The following RBM47 variants were observed in gnomAD, a reference collection of about 807,000 sequenced individuals.
RBM47 encodes the protein RNA-binding protein 47.
A neutral mutation model predicts 47.1 loss-of-function variants in RBM47; 21 were observed. That is an observed-to-expected ratio of 0.45 (90% CI 0.32 to 0.64). The LOEUF is 0.64. Ranked by LOEUF, RBM47 falls within the 30% of genes least tolerant of loss-of-function variation. The probability of loss-of-function intolerance (pLI) is 0.05; values close to 1 mark genes in which losing one functional copy is unlikely to be tolerated. For synonymous variants in RBM47, 375 were observed against 361.7 expected, an observed-to-expected ratio of 1.04 and a Z score of -0.42; for missense variants, 708 against 870.9, an observed-to-expected ratio of 0.81 and a Z score of 2.35.
At chr4:40,470,275 G>A (rs1373310014) in intron 2 of RBM47, among the ~76,000 whole-genome samples, 1 of 152,038 alleles carries the variant, frequency 6.6e-6, no homozygotes, top group East Asian at 1.9e-4. Flanking sequence ...CCCCATCATG[G>A]AGTCTTTATA....
intron 2 of RBM47, among the ~76,000 whole-genome samples, chr4:40,524,797 C>T (rs1415230636): frequency 1.3e-5 from 2 of 152,174 alleles, no homozygotes; most frequent in African/African-American, 4.8e-5. Flanking sequence ...ATGCTCATTA[C>T]TATGAATGAA....
At chr4:40,444,448 G>A (rs1388718629) in intron 3 of RBM47, among the ~76,000 whole-genome samples, 1 of 151,170 alleles carries the variant, frequency 6.6e-6, no homozygotes, top group Non-Finnish European at 1.5e-5. Context: ...AAAAGATAAT[G>A]TGTGGCTGCT....
At chr4:40,515,065 A>C (rs1725411146) in intron 2 of RBM47, among the ~76,000 whole-genome samples, 1 of 152,226 alleles carries the variant, frequency 6.6e-6, no homozygotes, top group South Asian at 2.1e-4. Context: ...CATCCTCCAC[A>C]ATAACCAAAG....
intron 2 of RBM47, among the ~76,000 whole-genome samples, chr4:40,526,245 C>T (rs1216299468): frequency 2.0e-5 from 3 of 152,194 alleles, no homozygotes; most frequent in Admixed American, 2.0e-4. Flanking sequence ...ATCCTGCCTA[C>T]TTTGTAGTAT....
At position 40,423,830 on chromosome 4, in the gene RBM47, C is replaced by A. The variant is rs1238877557; in HGVS notation, c.*2074G>T. 1.3e-5 allele frequency: 2 copies of A among 152,350 alleles called. No homozygotes were observed. The highest frequency in any genetic ancestry group is 2.9e-5 in the Non-Finnish European group (2 of 67,990). 9.4% of individuals were successfully genotyped at this position (152,350 alleles called of 1,614,324 possible). ...TCATCCAGTGAAACTCTGTGACAAT[C>A]CTTCACTAGAAGGAGAGTACTTTTT... is the stretch of plus-strand genomic sequence containing the variant. On this transcript the variant is annotated 3_prime_UTR_variant, in exon 7 of 7. Coordinates refer to ENST00000295971, the MANE Select transcript of RBM47 (RefSeq NM_001098634.2).
At chr4:40,606,458 A>G (rs949603529) in intron 1 of RBM47, among the ~76,000 whole-genome samples, 4 of 152,210 alleles carry the variant, frequency 2.6e-5, no homozygotes, top group African/African-American at 9.7e-5. Context: ...TACTGACAGC[A>G]GAGGACACAC....
intron 1 of RBM47, among the ~76,000 whole-genome samples, chr4:40,615,773 T>C (rs568436457): frequency 6.6e-6 from 1 of 152,254 alleles, no homozygotes; most frequent in South Asian, 2.1e-4. Context: ...AGAGTGAGAC[T>C]CTGTCTCAAA....
intron 1 of RBM47, among the ~76,000 whole-genome samples, chr4:40,600,917 G>A (rs111308196): frequency 3.7e-5 from 5 of 135,318 alleles, no homozygotes; most frequent in African/African-American, 1.1e-4. Context: ...CCCGGGAGGC[G>A]GAGTTTGCGG....
intron 5 of RBM47, among the ~76,000 whole-genome samples, chr4:40,434,068 T>C (rs1396664836): frequency 6.7e-6 from 1 of 149,514 alleles, no homozygotes; most frequent in Non-Finnish European, 1.5e-5. Context: ...ATATGAAATG[T>C]GTACACAAAG....
chr4:40,477,396 C>A (rs190776904), intron 2 of RBM47, among the ~76,000 whole-genome samples: 2 of 152,064 alleles, frequency 1.3e-5, no homozygotes, highest in Admixed American at 6.6e-5. Context: ...AAAACTAAAT[C>A]GCTATGTTCT....
intron 3 of RBM47, among the ~76,000 whole-genome samples, chr4:40,444,790 G>A (rs566225884): frequency 6.6e-6 from 1 of 151,592 alleles, no homozygotes; most frequent in African/African-American, 2.4e-5. Flanking sequence ...TCAGCCTCCT[G>A]AGTAGCTGGT....
intron 2 of RBM47, among the ~76,000 whole-genome samples, chr4:40,469,976 G>A (rs913422212): frequency 5.9e-5 from 9 of 152,106 alleles, no homozygotes; most frequent in African/African-American, 2.2e-4. Flanking sequence ...AAATCTTCAA[G>A]CAAAACCTAT....
intron 1 of RBM47, among the ~76,000 whole-genome samples, chr4:40,611,805 GA>G (rs1736288164): frequency 1.3e-5 from 2 of 152,150 alleles, no homozygotes; most frequent in South Asian, 4.1e-4. Flanking sequence ...AAGCAAACTT[GA>G]AATCACTATT....
intron 1 of RBM47, among the ~76,000 whole-genome samples, chr4:40,567,431 A>G (rs1281304069): frequency 1.3e-5 from 2 of 152,114 alleles, no homozygotes; most frequent in South Asian, 2.1e-4. Context: ...CATTTTCCAG[A>G]GGACAAAACT....
intron 1 of RBM47, among the ~76,000 whole-genome samples, chr4:40,560,095 A>C (rs1730464625): frequency 6.6e-6 from 1 of 152,192 alleles, no homozygotes; most frequent in African/African-American, 2.4e-5. Flanking sequence ...CCTGGTCAGC[A>C]AAACAGTGTT....
chr4:40,464,958 C>T (rs996536515), intron 3 of RBM47, among the ~76,000 whole-genome samples: 7 of 132,964 alleles, frequency 5.3e-5, no homozygotes, highest in African/African-American at 1.9e-4. Flanking sequence ...AGAGTAAATA[C>T]ACCATGTTAA....
chr4:40,473,982 C>T (rs1274757715), intron 2 of RBM47, among the ~76,000 whole-genome samples: 2 of 152,162 alleles, frequency 1.3e-5, no homozygotes, highest in Admixed American at 1.3e-4. Context: ...CTCCCCACTC[C>T]GTCTTTGTGC....
chr4:40,564,590 A>C (rs895690588), intron 1 of RBM47, among the ~76,000 whole-genome samples: 1 of 152,264 alleles, frequency 6.6e-6, no homozygotes, highest in Non-Finnish European at 1.5e-5. Flanking sequence ...CAGCACAGGC[A>C]ACACATCTGT....
At chr4:40,545,666 A>AAAACAAATAAAT (rs1553899564) in intron 1 of RBM47, among the ~76,000 whole-genome samples, 6 of 133,606 alleles carry the variant, frequency 4.5e-5, no homozygotes, top group Non-Finnish European at 9.5e-5. Flanking sequence ...CTCCTTCTCA[A>AAAACAAATAAAT]AAATAAATAA....
Sources: gnomAD v4.1 joint callset for allele counts (sites outside exome capture counted in the v4.1 genomes callset) on GRCh38, gnomAD v4.1.1 for gene constraint, MANE v1.5 for transcripts, NCBI Gene and HGNC (gene_info 2026-07-23, HGNC 2026-07-21) for gene names.